TMPRSS11F: variants seen among roughly 807,000 people sequenced by gnomAD.
TMPRSS11F encodes transmembrane protease serine 11F.
Under a neutral mutation model 60.2 loss-of-function variants are expected in TMPRSS11F, and 47 were observed. The ratio of observed to expected loss-of-function variants is 0.78; its 90% CI spans 0.62 to 1.00. The LOEUF (loss-of-function observed/expected upper bound fraction) is 1.00. Among genes scored for constraint, TMPRSS11F ranks in the 50% least tolerant of loss-of-function variants. The pLI is 0.00. For missense variants in TMPRSS11F, 519 were observed against 522.9 expected (o/e 0.99, Z 0.07); for synonymous variants, 166 against 167.3 (o/e 0.99, Z 0.06).
At chr4:68,060,472 C>T (rs1364627985) in intron 8 of TMPRSS11F, among the ~76,000 whole-genome samples, 6 of 137,548 alleles carry the variant, frequency 4.4e-5, no homozygotes, top group African/African-American at 1.7e-4. Context: ...GCCAAGATGG[C>T]GCCACTGCAC....
intron 2 of TMPRSS11F, among the ~76,000 whole-genome samples, chr4:68,097,438 C>G (rs1724095984): frequency 6.6e-6 from 1 of 152,132 alleles, no homozygotes; most frequent in South Asian, 2.1e-4. Context: ...GTTCTTCCTC[C>G]TTTGACCTTC....
At chr4:68,086,647 A>G (rs956539365) in intron 3 of TMPRSS11F, among the ~76,000 whole-genome samples, 6 of 152,088 alleles carry the variant, frequency 3.9e-5, no homozygotes, top group African/African-American at 1.2e-4. Flanking sequence ...AAAGAGAGAG[A>G]CAATCCGTAT....
intron 1 of TMPRSS11F, among the ~76,000 whole-genome samples, chr4:68,114,787 A>G (rs1310365365): frequency 5.9e-5 from 9 of 151,908 alleles, no homozygotes; most frequent in Non-Finnish European, 1.5e-5. Flanking sequence ...ATGGAATTCA[A>G]GAGTGCCTAA....
chr4:68,097,021 A>G (rs1379093967), intron 2 of TMPRSS11F, among the ~76,000 whole-genome samples: 1 of 152,186 alleles, frequency 6.6e-6, no homozygotes, highest in Admixed American at 6.6e-5. Flanking sequence ...CCTCTATTTT[A>G]TCCCATTCTA....
intron 1 of TMPRSS11F, among the ~76,000 whole-genome samples, chr4:68,105,431 T>C (rs1409144887): frequency 6.6e-6 from 1 of 152,102 alleles, no homozygotes; most frequent in Non-Finnish European, 1.5e-5. Flanking sequence ...TAAATACAAG[T>C]TGACTGGGTT....
At chr4:68,071,763 C>T (rs1056252231) in intron 5 of TMPRSS11F, among the ~76,000 whole-genome samples, 11 of 152,064 alleles carry the variant, frequency 7.2e-5, no homozygotes, top group Non-Finnish European at 4.4e-5. Flanking sequence ...AATTCATGAG[C>T]AATAAATAAG....
chr4:68,103,147 T>C (rs1724226111), intron 1 of TMPRSS11F, among the ~76,000 whole-genome samples: 1 of 152,106 alleles, frequency 6.6e-6, no homozygotes, highest in Non-Finnish European at 1.5e-5. Flanking sequence ...TTGTCAAAAA[T>C]TAGTTGACCA....
rs1724602118 is a variant in TMPRSS11F at position 68,120,406 on chromosome 4, T to TTTTTTTG, written c.11+9403_11+9404insCAAAAAA. 4.1e-5 allele frequency among the ~76,000 whole-genome samples: 3 copies of TTTTTTTG among 73,114 alleles called. No homozygotes were observed. In the South Asian group the frequency reaches 1.5e-3, roughly 36 times the overall value. The allele number at this position is 73,114 out of a possible 152,430, so 48.0% of individuals were successfully genotyped here. On this transcript the variant is annotated intron_variant, in intron 1 of 9. Coordinates refer to ENST00000356291, the MANE Select transcript of TMPRSS11F (RefSeq NM_207407.2). ...TTTTTTTTTTTTTTTTTTTTTTTTT[T>TTTTTTTG]GAGACGGAGTCTCGCTCTGTCGCCC... is the stretch of plus-strand genomic sequence containing the variant.
intron 2 of TMPRSS11F, among the ~76,000 whole-genome samples, chr4:68,098,528 T>C (rs974646297): frequency 2.0e-5 from 3 of 152,206 alleles, no homozygotes; most frequent in African/African-American, 7.2e-5. Context: ...TAACTCTTCT[T>C]ATATCCTGAG....
At chr4:68,096,115 T>C (rs941307338) in intron 2 of TMPRSS11F, among the ~76,000 whole-genome samples, 1 of 143,754 alleles carries the variant, frequency 7.0e-6, no homozygotes, top group Admixed American at 6.9e-5. Flanking sequence ...TATCAGTCAA[T>C]AATTTAAAAA....
At chr4:68,104,262 G>C (rs754695747) in intron 1 of TMPRSS11F, among the ~76,000 whole-genome samples, 1 of 152,078 alleles carries the variant, frequency 6.6e-6, no homozygotes, top group Non-Finnish European at 1.5e-5. Context: ...TTACGATATT[G>C]GTTGTAGGTT....
intron 7 of TMPRSS11F, among the ~76,000 whole-genome samples, chr4:68,066,048 G>A (rs7689470): frequency 0.72 from 108,183 of 150,010 alleles, 39,877 homozygotes; most frequent in East Asian, 0.88. Context: ...GAACCTGGGA[G>A]GTGGAGGTTG....
At position 68,073,983 on chromosome 4, in the gene TMPRSS11F, A is replaced by C. The variant is rs773530977; in HGVS notation, c.309T>G (p.Ser103=). The C allele has an allele frequency of 1.3e-6, 2 of 1,585,794 alleles. No individual in the cohort carries two copies. The highest frequency in any genetic ancestry group is 1.7e-6 in the Non-Finnish European group (2 of 1,168,716). Residue 103 remains serine, a synonymous_variant, in exon 4 of 10, where the codon TCT becomes TCG. Coordinates refer to ENST00000356291, the MANE Select transcript of TMPRSS11F (RefSeq NM_207407.2). The stretch of plus-strand genomic sequence containing the variant: ...GAGATTTGATAAATCGACCGCCTAC[A>C]GAAGAATGTCGAAATATCCTAGACA... ...RMMSRIFRHS[S]VGGRFIKSHV...
chr4:68,069,606 T>C (rs1723407840), intron 6 of TMPRSS11F, among the ~76,000 whole-genome samples: 1 of 148,194 alleles, frequency 6.7e-6, no homozygotes, highest in Admixed American at 7.2e-5. Context: ...GATATTTCAA[T>C]AAAAATGCAA....
intron 1 of TMPRSS11F, among the ~76,000 whole-genome samples, chr4:68,105,413 G>A (rs980349658): frequency 6.6e-6 from 1 of 152,062 alleles, no homozygotes; most frequent in Admixed American, 6.6e-5. Context: ...GGGTTTTTAT[G>A]ATCAAAATAA....
chr4:68,100,101 T>C (rs1724159771), intron 1 of TMPRSS11F, among the ~76,000 whole-genome samples: 1 of 149,078 alleles, frequency 6.7e-6, no homozygotes, highest in Non-Finnish European at 1.5e-5. Context: ...AAGGGAGGAA[T>C]GTGAAACAGG....
At chr4:68,084,873 A>C (rs1723780862) in intron 3 of TMPRSS11F, among the ~76,000 whole-genome samples, 3 of 124,038 alleles carry the variant, frequency 2.4e-5, no homozygotes, top group South Asian at 3.4e-4. Context: ...TCCCAATGCT[A>C]TCCCTCCCCC....
At chr4:68,129,707 G>T in intron 1 of TMPRSS11F, 103 bp downstream of exon 1, 1 of 1,042,862 alleles carries the variant, frequency 9.6e-7, no homozygotes, top group Non-Finnish European at 1.5e-6. Context: ...AAACTCTAAT[G>T]TTTAAATCAA....
Position 68,120,376 on chromosome 4 carries a change from C to CTTTTTTTT in TMPRSS11F, c.11+9426_11+9433dup, listed in dbSNP as rs34843345. On this transcript the variant is annotated intron_variant, in intron 1 of 9. Transcript: ENST00000356291. ...ACAGCATCACATGCTACAGAGAAAT[C>CTTTTTTTT]TTTTTTTTTTTTTTTTTTTTTTTTT... Among the ~76,000 whole-genome samples the CTTTTTTTT allele has an allele frequency of 1.6e-5, 2 of 123,802 alleles. 1 individual carries two copies. Among genetic ancestry groups the CTTTTTTTT allele is most frequent in the African/African-American group, 6.4e-5 (2 of 31,152 alleles). The allele number at this position is 123,802 out of a possible 152,430, so 81.2% of individuals were successfully genotyped here.
Sources: gnomAD v4.1 joint callset for allele counts (sites outside exome capture counted in the v4.1 genomes callset) on GRCh38, gnomAD v4.1.1 for gene constraint, MANE v1.5 for transcripts, NCBI Gene and HGNC (gene_info 2026-07-23, HGNC 2026-07-21) for gene names.